The following APPL2 variants were observed in gnomAD, a reference collection of about 807,000 sequenced individuals.
The protein encoded by APPL2 is DCC-interacting protein 13-beta.
Under a neutral mutation model 92.7 loss-of-function variants are expected in APPL2, and 84 were observed. The ratio of observed to expected loss-of-function variants is 0.91; its 90% CI spans 0.76 to 1.09. APPL2 has a LOEUF of 1.09. Among genes scored for constraint, APPL2 ranks in the 50% least tolerant of loss-of-function variants. The pLI is 0.00. For missense variants in APPL2, 736 were observed against 824.5 expected, an observed-to-expected ratio of 0.89 and a Z score of 1.31; for synonymous variants, 291 against 291.0, an observed-to-expected ratio of 1.00 and a Z score of 0.00.
intron 17 of APPL2, chr12:105,177,483 G>T: frequency 1.8e-6 from 1 of 563,186 alleles, no homozygotes; most frequent in Non-Finnish European, 3.2e-6. Context: ...AGATTATATA[G>T]CAAGTAGAAG....
chr12:105,207,563 T>C (rs967379013), intron 7 of APPL2, among the ~76,000 whole-genome samples: 2 of 152,142 alleles, frequency 1.3e-5, no homozygotes, highest in African/African-American at 4.8e-5. Context: ...CCCAAGGAAA[T>C]CATGTAACAG....
chr12:105,210,590 A>G (rs527835752), intron 5 of APPL2, among the ~76,000 whole-genome samples: 12 of 152,336 alleles, frequency 7.9e-5, no homozygotes, highest in African/African-American at 2.4e-4. Context: ...TTGATTTCTA[A>G]GAAATATAAA....
At chr12:105,197,664 C>T (rs1395336936) in intron 11 of APPL2, 101 bp downstream of exon 11, 45 of 1,444,018 alleles carry the variant, frequency 3.1e-5, no homozygotes, top group Non-Finnish European at 4.2e-5. Context: ...ATTGGGGCCT[C>T]TCCCACAGAG....
Position 105,189,808 on chromosome 12 carries a change from CA to C in APPL2, c.1422del (p.Phe474LeufsTer22). ...QNRGSRRTNP[F>X]GETEDESFPE... The stretch of plus-strand genomic sequence containing the variant: ...GGAAATGATTCATCCTCAGTTTCAC[CA>C]AAAGGGTTGGTACGCCTAGGGGAAT... On this transcript the variant is annotated frameshift_variant, in exon 16 of 21. Transcript: ENST00000258530. LOFTEE classifies it high-confidence loss of function. 6.2e-7 allele frequency: 1 copy of C among 1,614,140 alleles called. No individual in the cohort carries two copies. Among genetic ancestry groups the C allele is most frequent in the South Asian group, 1.1e-5 (1 of 91,070 alleles).
intron 14 of APPL2, among the ~76,000 whole-genome samples, chr12:105,194,083 T>C (rs150788911): frequency 2.0e-3 from 306 of 152,366 alleles, no homozygotes; most frequent in African/African-American, 7.1e-3. Context: ...CTGAGTTTTC[T>C]AATGACTTCC....
intron 17 of APPL2, among the ~76,000 whole-genome samples, chr12:105,179,533 G>C (rs1480998556): frequency 6.6e-6 from 1 of 152,104 alleles, no homozygotes; most frequent in Non-Finnish European, 1.5e-5. Context: ...GGTTATTTCT[G>C]GTTCTAGATC....
intron 20 of APPL2, among the ~76,000 whole-genome samples, chr12:105,175,515 C>A (rs1233477689): frequency 1.3e-5 from 2 of 152,214 alleles, no homozygotes; most frequent in African/African-American, 4.8e-5. Flanking sequence ...GCAGAAAGTT[C>A]TGTACATTGC....
intron 2 of APPL2, among the ~76,000 whole-genome samples, chr12:105,226,004 GTC>G (rs1890472818): frequency 1.3e-5 from 2 of 152,172 alleles, no homozygotes; most frequent in Non-Finnish European, 2.9e-5. Context: ...CTTGCGGAGA[GTC>G]TGTTTTTACA....
At position 105,176,033 on chromosome 12, in the gene APPL2, AC is replaced by A. The variant is rs777351092; in HGVS notation, c.1860+1del. ...CTAAACCAGCGCTAGAATGCATCTTACCTTCTGAACCTCAATAATTTCTTTT... is the reference window on the plus strand; with the variant it reads ...CTAAACCAGCGCTAGAATGCATCTTACTTCTGAACCTCAATAATTTCTTTT... On this transcript the variant is annotated splice_donor_variant, in intron 20 of 20. Coordinates refer to ENST00000258530, the MANE Select transcript of APPL2 (RefSeq NM_018171.5). LOFTEE classifies it high-confidence loss of function. 1.9e-6 allele frequency: 3 copies of A among 1,587,428 alleles called. No individual in the cohort carries two copies. In the South Asian group the frequency reaches 3.5e-5, roughly 19 times the overall value.
At chr12:105,199,166 G>A (rs1887919710) in intron 10 of APPL2, among the ~76,000 whole-genome samples, 2 of 152,138 alleles carry the variant, frequency 1.3e-5, no homozygotes, top group African/African-American at 2.4e-5. Flanking sequence ...TAGAGGACTC[G>A]TTTCCAGCCC....
At chr12:105,206,240 T>C (rs1391730854) in intron 8 of APPL2, among the ~76,000 whole-genome samples, 1 of 152,222 alleles carries the variant, frequency 6.6e-6, no homozygotes, top group Admixed American at 6.5e-5. Context: ...AAGTATTAGA[T>C]GTTCATATAT....
At chr12:105,199,623 A>C in intron 9 of APPL2, 92 bp from the exon 10 acceptor site, 1 of 1,404,214 alleles carries the variant, frequency 7.1e-7, no homozygotes, top group East Asian at 2.4e-5. Context: ...ACCCCCGCAA[A>C]GCTTCCGGCC....
At chr12:105,216,029 A>G (rs778029985) in intron 4 of APPL2, among the ~76,000 whole-genome samples, 5 of 152,214 alleles carry the variant, frequency 3.3e-5, no homozygotes, top group South Asian at 2.1e-4. Context: ...TCCGTCTTAT[A>G]AACAACAAAA....
At chr12:105,178,484 A>G (rs987011906) in intron 17 of APPL2, among the ~76,000 whole-genome samples, 3 of 152,218 alleles carry the variant, frequency 2.0e-5, no homozygotes, top group African/African-American at 7.2e-5. Flanking sequence ...TGAATATACT[A>G]GAAACCACTG....
At chr12:105,177,775 A>G (rs1356930958) in intron 17 of APPL2, among the ~76,000 whole-genome samples, 1 of 152,128 alleles carries the variant, frequency 6.6e-6, no homozygotes, top group Non-Finnish European at 1.5e-5. Context: ...TCCAAAATAT[A>G]TTTCCTTGTT....
At chr12:105,208,099 C>T in intron 6 of APPL2, 59 bp downstream of exon 6, 2 of 1,613,200 alleles carry the variant, frequency 1.2e-6, no homozygotes, top group Non-Finnish European at 1.7e-6. Flanking sequence ...CATTGGGGGT[C>T]TCCTCCCCGC....
chr12:105,214,727 G>C (rs1013707374), intron 4 of APPL2, among the ~76,000 whole-genome samples: 1 of 151,226 alleles, frequency 6.6e-6, no homozygotes, highest in African/African-American at 2.4e-5. Context: ...CTGGATGATG[G>C]GAGTGTCTTT....
In APPL2 at chr12:105,174,389, A is replaced by G. The variant is rs1192493867; in HGVS notation, c.1920T>C (p.Tyr640=). ...CATCTGGTTGATCGTTTAACAGTAC[A>G]TATTTTCCGTCATTGGTTAGTGGTA... ...LSIPLTNDGK[Y]VLLNDQPDDD... The change falls in exon 21 of 21, where the codon TAT becomes TAC. Residue 640 remains tyrosine (Y), a synonymous_variant. Coordinates refer to ENST00000258530, the MANE Select transcript of APPL2 (RefSeq NM_018171.5). 5 of 1,614,006 alleles carry G rather than the reference A, an allele frequency of 3.1e-6. No individual in the cohort carries two copies. The highest frequency in any genetic ancestry group is 1.7e-5 in the Admixed American group (1 of 60,006).
chr12:105,223,866 A>T (rs1366315366), intron 2 of APPL2, among the ~76,000 whole-genome samples: 2 of 152,166 alleles, frequency 1.3e-5, no homozygotes, highest in Non-Finnish European at 2.9e-5. Context: ...ATTAACTCAC[A>T]AGAACCCTCT....
Sources: allele counts gnomAD v4.1 joint callset (sites outside exome capture counted in the v4.1 genomes callset), GRCh38; gene constraint gnomAD v4.1.1; transcripts MANE v1.5; gene names NCBI Gene and HGNC (gene_info 2026-07-23, HGNC 2026-07-21).